The following ADARB2 variants were observed in gnomAD, a reference collection of about 807,000 sequenced individuals.
ADARB2 encodes inactive double-stranded RNA-specific editase B2.
In ADARB2, 25 loss-of-function variants were observed where a neutral mutation model predicts 62.2. That is an observed-to-expected ratio of 0.40 (90% confidence interval 0.29 to 0.56). The LOEUF (loss-of-function observed/expected upper bound fraction) is 0.56. Ranked by LOEUF, ADARB2 falls within the 20% of genes least tolerant of loss-of-function variation. The pLI is 0.43. For synonymous variants in ADARB2, 572 were observed against 500.8 expected (o/e 1.14, Z -1.90); for missense variants, 1,071 against 1,077.4 (o/e 0.99, Z 0.08).
At chr10:1,558,645 C>T (rs1322408645) in intron 1 of ADARB2, among the ~76,000 whole-genome samples, 47 of 131,968 alleles carry the variant, frequency 3.6e-4, no homozygotes, top group African/African-American at 1.2e-3. Context: ...CTCTGCCCCC[C>T]TCCGTGGGTG....
chr10:1,245,158 T>C (rs1830972424), intron 4 of ADARB2, among the ~76,000 whole-genome samples: 1 of 151,972 alleles, frequency 6.6e-6, no homozygotes, highest in Non-Finnish European at 1.5e-5. Context: ...GGAAGCACCC[T>C]CAGGAGTGGA....
chr10:1,573,375 T>C (rs1296428915), intron 1 of ADARB2, among the ~76,000 whole-genome samples: 2 of 152,086 alleles, frequency 1.3e-5, no homozygotes, highest in African/African-American at 2.4e-5. Context: ...AAAAGGGCCT[T>C]CCCCCATTTC....
At chr10:1,428,894 C>T (rs984108148) in intron 1 of ADARB2, among the ~76,000 whole-genome samples, 4 of 151,984 alleles carry the variant, frequency 2.6e-5, no homozygotes, top group African/African-American at 9.7e-5. Flanking sequence ...CACACACACA[C>T]ACACGGACAA....
At chr10:1,547,813 G>T (rs964688126) in intron 1 of ADARB2, among the ~76,000 whole-genome samples, 2 of 150,966 alleles carry the variant, frequency 1.3e-5, no homozygotes, top group African/African-American at 2.4e-5. Context: ...CTGCACAGGT[G>T]TATACACTGT....
At chr10:1,321,873 T>C (rs2131827963) in intron 3 of ADARB2, among the ~76,000 whole-genome samples, 1 of 151,572 alleles carries the variant, frequency 6.6e-6, no homozygotes, top group South Asian at 2.1e-4. Flanking sequence ...GGCATGTGTG[T>C]CCCACAGCTG....
At chr10:1,562,351 G>A (rs1435961374) in intron 1 of ADARB2, among the ~76,000 whole-genome samples, 3 of 152,164 alleles carry the variant, frequency 2.0e-5, no homozygotes, top group Non-Finnish European at 2.9e-5. Context: ...GTCAAAAGTC[G>A]CAGGACAAAG....
intron 1 of ADARB2, among the ~76,000 whole-genome samples, chr10:1,463,718 T>C (rs1358184020): frequency 6.6e-6 from 1 of 152,182 alleles, no homozygotes; most frequent in African/African-American, 2.4e-5. Context: ...ACTTGTGCTC[T>C]TTGAAATGCA....
At chr10:1,530,548 G>C (rs1037667425) in intron 1 of ADARB2, among the ~76,000 whole-genome samples, 6 of 152,234 alleles carry the variant, frequency 3.9e-5, no homozygotes, top group African/African-American at 1.2e-4. Flanking sequence ...CTTGCGGCCT[G>C]CTCTTCATGC....
chr10:1,617,528 A>G (rs576071189), intron 1 of ADARB2, among the ~76,000 whole-genome samples: 2 of 148,454 alleles, frequency 1.3e-5, no homozygotes, highest in South Asian at 2.2e-4. Flanking sequence ...CCTCCTGGGA[A>G]CTGACCTCAG....
chr10:1,192,956 T>C (rs1029932621), intron 8 of ADARB2, among the ~76,000 whole-genome samples: 5 of 152,082 alleles, frequency 3.3e-5, no homozygotes, highest in Admixed American at 6.5e-5. Flanking sequence ...AGAAAGAAAA[T>C]TCTGTGGATT....
rs147877367 is a variant in ADARB2 at position 1,231,919 on chromosome 10, C to A, written c.1513+1775G>T. 1.9e-3 allele frequency among the ~76,000 whole-genome samples: 282 copies of A among 152,352 alleles called. 2 individuals carry two copies. Among genetic ancestry groups the A allele is most frequent in the African/African-American group, 6.2e-3 (256 of 41,588 alleles). On this transcript the variant is annotated intron_variant, in intron 6 of 9. Coordinates refer to ENST00000381312, the MANE Select transcript of ADARB2 (RefSeq NM_018702.4). The stretch of plus-strand genomic sequence containing the variant: ...GAGATTAAAGACACCATTATCCCCA[C>A]ACCTTCTTGTCTTTGGTGGAGGCTG...
At chr10:1,566,716 C>G (rs1264969097) in intron 1 of ADARB2, among the ~76,000 whole-genome samples, 4 of 152,018 alleles carry the variant, frequency 2.6e-5, no homozygotes, top group Non-Finnish European at 2.9e-5. Context: ...GAATTATACA[C>G]TATTTAGTTT....
intron 1 of ADARB2, among the ~76,000 whole-genome samples, chr10:1,576,039 CG>C (rs549090548): frequency 3.5e-4 from 7 of 19,858 alleles, no homozygotes; most frequent in East Asian, 1.3e-3. Context: ...GGCCACTCGG[CG>C]GGGGGGTCAG....
At chr10:1,298,637 C>A (rs1449852311) in intron 3 of ADARB2, among the ~76,000 whole-genome samples, 1 of 150,048 alleles carries the variant, frequency 6.7e-6, no homozygotes, top group East Asian at 1.9e-4. Context: ...ACATACTGGG[C>A]TCAAGCAGGA....
At chr10:1,468,526 T>C (rs1039733944) in intron 1 of ADARB2, among the ~76,000 whole-genome samples, 1 of 152,218 alleles carries the variant, frequency 6.6e-6, no homozygotes, top group Non-Finnish European at 1.5e-5. Flanking sequence ...ACAGTGTTAT[T>C]CTGGCATCGG....
chr10:1,194,811 T>C (rs934378431), intron 8 of ADARB2, among the ~76,000 whole-genome samples: 1 of 152,258 alleles, frequency 6.6e-6, no homozygotes, highest in Non-Finnish European at 1.5e-5. Flanking sequence ...CTTTCTCCTA[T>C]TGAGCGTGGT....
In ADARB2 at chr10:1,211,278, C is replaced by T. The variant is rs183579002; in HGVS notation, c.1682+5673G>A. On this transcript the variant is annotated intron_variant, in intron 7 of 9. Transcript: ENST00000381312. ...TTATCATCTATCATCTATTAACTAT[C>T]ATCTGATCTATAATCTATGTATCAT... Among the ~76,000 whole-genome samples, 116 of 152,200 alleles carry T rather than the reference C, an allele frequency of 7.6e-4. 1 individual carries two copies. Among genetic ancestry groups the T allele is most frequent in the African/African-American group, 2.7e-3 (112 of 41,542 alleles).
At chr10:1,722,892 T>G (rs1835110883) in intron 1 of ADARB2, among the ~76,000 whole-genome samples, 1 of 152,142 alleles carries the variant, frequency 6.6e-6, no homozygotes, top group Non-Finnish European at 1.5e-5. Context: ...CACAGTGGAG[T>G]GTGCCTATAC....
intron 3 of ADARB2, among the ~76,000 whole-genome samples, chr10:1,341,179 G>GCACA (rs1564262540): frequency 6.6e-6 from 1 of 151,252 alleles, no homozygotes; most frequent in Non-Finnish European, 1.5e-5. Flanking sequence ...AGAACCATGT[G>GCACA]CCCCACAGCG....
Sources: allele counts gnomAD v4.1 joint callset (sites outside exome capture counted in the v4.1 genomes callset), GRCh38; gene constraint gnomAD v4.1.1; transcripts MANE v1.5; gene names NCBI Gene and HGNC (gene_info 2026-07-23, HGNC 2026-07-21).